The following DNM2 variants were observed in gnomAD, a reference collection of about 807,000 sequenced individuals.
DNM2 encodes the protein dynamin-2.
A neutral mutation model predicts 99.0 loss-of-function variants in DNM2; 15 were observed. The ratio of observed to expected loss-of-function variants is 0.15; its 90% confidence interval spans 0.10 to 0.23. DNM2 has a LOEUF of 0.23. DNM2 is among the 10% of genes least tolerant of loss of function. The pLI is 1.00. For synonymous variants in DNM2, 525 were observed against 481.2 expected, an observed-to-expected ratio of 1.09 and a Z score of -1.19; for missense variants, 742 against 1,189.4, an observed-to-expected ratio of 0.62 and a Z score of 5.53.
At chr19:10,823,697 CAGAA>C in intron 16 of DNM2, 87 bp from the exon 17 acceptor site, 5 of 1,341,044 alleles carry the variant, frequency 3.7e-6, no homozygotes, top group Non-Finnish European at 5.3e-6. Flanking sequence ...CCTGATCAGT[CAGAA>C]AGACCCCTAG....
At chr19:10,748,436 G>C (rs953012849) in intron 1 of DNM2, among the ~76,000 whole-genome samples, 1 of 152,196 alleles carries the variant, frequency 6.6e-6, no homozygotes, top group Non-Finnish European at 1.5e-5. Context: ...GCCCTTTGGG[G>C]TGACCACAGG....
chr19:10,827,912 G>C (rs1299496591), intron 18 of DNM2, among the ~76,000 whole-genome samples: 1 of 152,050 alleles, frequency 6.6e-6, no homozygotes, highest in Non-Finnish European at 1.5e-5. Flanking sequence ...TCTGTATCCA[G>C]TAGGAGGTTC....
chr19:10,721,988 G>A (rs577847764), intron 1 of DNM2, among the ~76,000 whole-genome samples: 18 of 152,214 alleles, frequency 1.2e-4, no homozygotes, highest in Non-Finnish European at 2.9e-5. Context: ...TGTGCGACTC[G>A]GCCACGTGGA....
At chr19:10,718,959 G>C (rs1443233027) in intron 1 of DNM2, among the ~76,000 whole-genome samples, 1 of 152,168 alleles carries the variant, frequency 6.6e-6, no homozygotes, top group Non-Finnish European at 1.5e-5. Flanking sequence ...TGTCCAGGGT[G>C]ACCTCTGCTG....
At chr19:10,828,594 A>G (rs964081387) in intron 18 of DNM2, among the ~76,000 whole-genome samples, 2 of 150,950 alleles carry the variant, frequency 1.3e-5, no homozygotes, top group African/African-American at 2.4e-5. Context: ...AAAAAAAAAA[A>G]GCAAAAACAA....
intron 6 of DNM2, among the ~76,000 whole-genome samples, chr19:10,786,029 A>C (rs1422897325): frequency 6.6e-6 from 1 of 151,936 alleles, no homozygotes; most frequent in African/African-American, 2.4e-5. Context: ...CGATCTCTTG[A>C]TCTTAAGTGA....
At chr19:10,783,433 C>A (rs2071442452) in intron 6 of DNM2, among the ~76,000 whole-genome samples, 1 of 152,106 alleles carries the variant, frequency 6.6e-6, no homozygotes, top group South Asian at 2.1e-4. Context: ...TGCCACTGCA[C>A]TCCAGCCTGG....
chr19:10,831,381 G>A lies in DNM2; in HGVS notation c.*334G>A. The A allele has an allele frequency of 9.2e-7, 1 of 1,091,862 alleles. No individual in the cohort carries two copies. Among genetic ancestry groups the A allele is most frequent in the Non-Finnish European group, 1.1e-6 (1 of 898,330 alleles). 67.6% of individuals were successfully genotyped at this position (1,091,862 alleles called of 1,614,324 possible). ...GGGGACTCTACCAAGGTCTTCTTGGGCTGGGAAAGCCCATGTAGGGCAGGC... is the reference window on the plus strand; with the variant it reads ...GGGGACTCTACCAAGGTCTTCTTGGACTGGGAAAGCCCATGTAGGGCAGGC... On this transcript the variant is annotated 3_prime_UTR_variant, in exon 21 of 21. Coordinates refer to ENST00000389253, the MANE Select transcript of DNM2 (RefSeq NM_001005361.3). The surrounding 1 kb of genome is among the most constrained non-coding windows in gnomAD (Gnocchi z 4.3).
At chr19:10,732,707 T>TA (rs1568267694) in intron 1 of DNM2, among the ~76,000 whole-genome samples, 11 of 139,010 alleles carry the variant, frequency 7.9e-5, no homozygotes, top group Admixed American at 3.5e-4. Context: ...GCCAGATTTT[T>TA]TATATATATA....
chr19:10,830,420 C>T lies in DNM2; in HGVS notation c.2543+42C>T. ...GCCCTCCACCCCAACTGCCTGCACC[C>T]TGGGGTCTCTCCTCCTGTCTCACTT... On this transcript the variant is annotated intron_variant, in intron 20 of 20. Coordinates refer to ENST00000389253, the MANE Select transcript of DNM2 (RefSeq NM_001005361.3). This position sits in a 1 kb window ranked among gnomAD's most constrained non-coding sequence, Gnocchi z 4.8. 1 of 1,594,334 alleles carries T rather than the reference C, an allele frequency of 6.3e-7. No individual in the cohort carries two copies. The highest frequency in any genetic ancestry group is 8.5e-7 in the Non-Finnish European group (1 of 1,173,166).
intron 1 of DNM2, among the ~76,000 whole-genome samples, chr19:10,743,837 A>G (rs2069855879): frequency 3.9e-5 from 5 of 127,022 alleles, no homozygotes; most frequent in Admixed American, 2.4e-4. Context: ...AAAAAAAAAA[A>G]TTAGCCGTGT....
chr19:10,787,922 C>G (rs577260022), intron 7 of DNM2, among the ~76,000 whole-genome samples: 1 of 151,464 alleles, frequency 6.6e-6, no homozygotes, highest in African/African-American at 2.4e-5. Flanking sequence ...GGGCAAGACT[C>G]CGTCTCCAAA....
rs1436871697 is a variant in DNM2 at position 10,795,049 on chromosome 19, T to C, written c.1129-323T>C. 6.6e-6 allele frequency among the ~76,000 whole-genome samples: 1 copy of C among 152,000 alleles called. No homozygotes were observed. The highest frequency in any genetic ancestry group is 1.5e-5 in the Non-Finnish European group (1 of 67,990). On this transcript the variant is annotated intron_variant, in intron 8 of 20. Coordinates refer to ENST00000389253, the MANE Select transcript of DNM2 (RefSeq NM_001005361.3). The surrounding 1 kb of genome is among the most constrained non-coding windows in gnomAD (Gnocchi z 4.2). ...GATCCTCCCACCTCAGCCTCCCGAG[T>C]AGCTGGGACTATAGGCGTGCACCAG...
chr19:10,742,048 G>A (rs2069772045), intron 1 of DNM2, among the ~76,000 whole-genome samples: 2 of 151,284 alleles, frequency 1.3e-5, no homozygotes, highest in South Asian at 4.2e-4. Context: ...GCAGCATCAT[G>A]AGAGAGTCCT....
At position 10,830,340 on chromosome 19, in the gene DNM2, A is replaced by C; in HGVS notation, c.2505A>C (p.Pro835=). 6.2e-7 allele frequency: 1 copy of C among 1,612,970 alleles called. No individual in the cohort carries two copies. Among genetic ancestry groups the C allele is most frequent in the Non-Finnish European group, 8.5e-7 (1 of 1,179,802 alleles). ...FPAPPQIPSR[P]VRIPPGIPPG... is the part of the protein sequence containing the mutation. The stretch of plus-strand genomic sequence containing the variant: ...CCCCGCCTCAGATCCCATCTCGGCC[A>C]GTTCGGATCCCCCCAGGGATTCCCC... Residue 835 remains proline, a synonymous_variant, in exon 20 of 21, where the codon CCA becomes CCC. Transcript: ENST00000389253. This position sits in a 1 kb window ranked among gnomAD's most constrained non-coding sequence, Gnocchi z 4.8.
chr19:10,783,462 G>A (rs1035383185), intron 6 of DNM2, among the ~76,000 whole-genome samples: 2 of 152,052 alleles, frequency 1.3e-5, no homozygotes, highest in Admixed American at 6.6e-5. Context: ...GTGAGACCCT[G>A]TTTCAAAAAC....
rs576843614 is a variant in DNM2, at chr19:10,764,903, C to T, written c.235+5092C>T. Among the ~76,000 whole-genome samples the T allele has an allele frequency of 8.5e-5, 13 of 152,306 alleles. No homozygotes were observed. The highest frequency in any genetic ancestry group is 3.1e-4 in the African/African-American group (13 of 41,576). Reference sequence around the variant, plus strand: ...TGCTCACCCGCACCTGGTCACTTGCCGCCTTCGTTCCCCGGTCCCCGGCAG... The same window carrying T: ...TGCTCACCCGCACCTGGTCACTTGCTGCCTTCGTTCCCCGGTCCCCGGCAG... On this transcript the variant is annotated intron_variant, in intron 2 of 20. Coordinates refer to ENST00000389253, the MANE Select transcript of DNM2 (RefSeq NM_001005361.3). This position sits in a 1 kb window ranked among gnomAD's most constrained non-coding sequence, Gnocchi z 4.1.
chr19:10,797,551 C>T lies in DNM2; in HGVS notation c.1335+33C>T, dbSNP rs758872305. 7 of 1,613,348 alleles carry T rather than the reference C, an allele frequency of 4.3e-6. No homozygotes were observed. In the Admixed American group the frequency reaches 8.3e-5, roughly 19 times the overall value. On this transcript the variant is annotated intron_variant, in intron 10 of 20. Coordinates refer to ENST00000389253, the MANE Select transcript of DNM2 (RefSeq NM_001005361.3). ...GTTTTGTTCTCATCTCCGCATTTGT[C>T]CCCGTCCTCCCCCTCCATGTGTTAG... is the stretch of plus-strand genomic sequence containing the variant.
In DNM2 at chr19:10,829,129, C is replaced by T. The variant is rs763927287; in HGVS notation, c.2152C>T (p.Arg718Trp). Residue 718 changes from arginine (R) to tryptophan (W), a missense_variant, in exon 19 of 21, where the codon CGG becomes TGG. Around this residue, in one of 7 missense-constraint regions of DNM2, gnomAD observed 240 missense variants for 431.3 expected, o/e 0.56. Transcript: ENST00000389253. Reference protein sequence around the residue: ...LMEESADQAQRRDDMLRMYHA... With the variant: ...LMEESADQAQWRDDMLRMYHA... ...GGAGGAGTCGGCTGACCAGGCACAG[C>T]GGCGGGACGACATGCTGCGCATGTA... is the stretch of plus-strand genomic sequence containing the variant. 1.5e-5 allele frequency: 25 copies of T among 1,613,814 alleles called. No homozygotes were observed. The highest frequency in any genetic ancestry group is 2.2e-5 in the South Asian group (2 of 91,084).
Sources: gnomAD v4.1 joint callset for allele counts (sites outside exome capture counted in the v4.1 genomes callset) on GRCh38, gnomAD v4.1.1 for gene constraint, gnomAD v4.1.1 regional missense constraint, Gnocchi (gnomAD v3.1) non-coding constraint, MANE v1.5 for transcripts, NCBI Gene and HGNC (gene_info 2026-07-23, HGNC 2026-07-21) for gene names.